Variants in PDK1 observed in about 807,000 individuals in gnomAD.
PDK1 encodes pyruvate dehydrogenase kinase 1, also known as [Pyruvate dehydrogenase (acetyl-transferring)] kinase isozyme 1, mitochondrial.
A neutral mutation model predicts 54.2 loss-of-function variants in PDK1; 39 were observed. That is an observed-to-expected ratio of 0.72 (90% CI 0.56 to 0.94). PDK1 has a LOEUF of 0.94. Ranked by LOEUF, PDK1 falls within the 40% of genes least tolerant of loss-of-function variation. PDK1 has a pLI of 0.00. For missense variants in PDK1, 552 were observed against 566.0 expected (o/e 0.98, Z 0.25); for synonymous variants, 221 against 207.1 (o/e 1.07, Z -0.58).
chr2:172,614,942 C>T, the PDK1 span, among the ~76,000 whole-genome samples: 8 of 152,216 alleles, frequency 5.3e-5, no homozygotes, highest in Admixed American at 2.6e-4. Context: ...TTTGATGCCT[C>T]ATGACATATC....
the PDK1 span, among the ~76,000 whole-genome samples, chr2:172,696,001 C>T: frequency 7.2e-5 from 11 of 151,960 alleles, no homozygotes; most frequent in Admixed American, 2.0e-4. Context: ...GGTGAAACCC[C>T]GTCTCTACTA....
At chr2:172,720,116 C>CTCTTT in the PDK1 span, among the ~76,000 whole-genome samples, 32 of 116,728 alleles carry the variant, frequency 2.7e-4, no homozygotes, top group Admixed American at 5.9e-4. Flanking sequence ...CTCTCTCTCT[C>CTCTTT]TTTTTTTTTT....
At chr2:172,568,327 CAAAAAAA>C (rs11400625) in intron 6 of PDK1, among the ~76,000 whole-genome samples, 10 of 57,110 alleles carry the variant, frequency 1.8e-4, no homozygotes, top group South Asian at 7.1e-4. Context: ...GACTCCGTCT[CAAAAAAA>C]AAAAAAAAAA....
the PDK1 span, among the ~76,000 whole-genome samples, chr2:172,648,417 A>T: frequency 6.6e-6 from 1 of 152,364 alleles, no homozygotes; most frequent in African/African-American, 2.4e-5. Flanking sequence ...TCCAGTCTGC[A>T]GCTTCCAGCG....
chr2:172,667,090 C>T, the PDK1 span, among the ~76,000 whole-genome samples: 48 of 152,096 alleles, frequency 3.2e-4, no homozygotes, highest in Non-Finnish European at 5.6e-4. Context: ...ACATTGTACT[C>T]ATTAGGTAGT....
chr2:172,668,972 T>C, the PDK1 span, among the ~76,000 whole-genome samples: 1 of 149,130 alleles, frequency 6.7e-6, no homozygotes, highest in Non-Finnish European at 1.5e-5. Flanking sequence ...TCATACAATA[T>C]TTGTCTCCCT....
the PDK1 span, among the ~76,000 whole-genome samples, chr2:172,619,507 A>G: frequency 6.6e-6 from 1 of 151,906 alleles, no homozygotes; most frequent in Admixed American, 6.6e-5. Flanking sequence ...TTTTAATCTA[A>G]AAGCATAAGC....
the PDK1 span, among the ~76,000 whole-genome samples, chr2:172,702,604 C>CTTTTTTTTT: frequency 7.2e-6 from 1 of 139,774 alleles, no homozygotes; most frequent in African/African-American, 2.6e-5. Context: ...TCCTAACTGC[C>CTTTTTTTTT]TTTTTTTTTT....
At chr2:172,645,953 A>T in the PDK1 span, among the ~76,000 whole-genome samples, 4 of 152,268 alleles carry the variant, frequency 2.6e-5, no homozygotes, top group African/African-American at 9.6e-5. Context: ...TGATTGAGTC[A>T]GGCTACTGTG....
In PDK1 at chr2:172,573,647, T is replaced by C. The variant is rs374092176; in HGVS notation, c.945+2823T>C. Among the ~76,000 whole-genome samples the C allele has an allele frequency of 8.7e-4, 127 of 146,140 alleles. 3 individuals are homozygous for C. The East Asian group carries it at 0.013, about 15-fold the overall frequency. On this transcript the variant is annotated intron_variant, in intron 8 of 10. Coordinates refer to ENST00000282077, the MANE Select transcript of PDK1 (RefSeq NM_002610.5). ...TATATTCTATGTGTGTGTATATATA[T>C]ATACACTCTCTCTAGATATATATAT...
chr2:172,699,910 C>G, the PDK1 span, among the ~76,000 whole-genome samples: 1 of 151,990 alleles, frequency 6.6e-6, no homozygotes, highest in Non-Finnish European at 1.5e-5. Context: ...TGCCGCCTTC[C>G]GAACTGTTTG....
chr2:172,592,399 C>T (rs1022065494), intron 9 of PDK1, among the ~76,000 whole-genome samples: 10 of 151,982 alleles, frequency 6.6e-5, no homozygotes, highest in South Asian at 4.2e-4. Flanking sequence ...CTCTCTGACT[C>T]CCTCTTTGTC....
the PDK1 span, among the ~76,000 whole-genome samples, chr2:172,623,801 A>G: frequency 1.3e-5 from 2 of 152,230 alleles, no homozygotes; most frequent in Admixed American, 6.5e-5. Flanking sequence ...GACTTACACA[A>G]TGGAAATGTT....
chr2:172,674,083 T>C, the PDK1 span: 2 of 152,242 alleles, frequency 1.3e-5, no homozygotes, highest in South Asian at 4.1e-4. Context: ...TAACAATTTA[T>C]TGTGAGATGA....
At chr2:172,590,589 T>C (rs1690512677) in intron 9 of PDK1, among the ~76,000 whole-genome samples, 1 of 152,120 alleles carries the variant, frequency 6.6e-6, no homozygotes, top group South Asian at 2.1e-4. Flanking sequence ...CAGACCTTCG[T>C]GGTGAGTGTT....
chr2:172,704,212 C>A, the PDK1 span, among the ~76,000 whole-genome samples: 1 of 152,144 alleles, frequency 6.6e-6, no homozygotes, highest in African/African-American at 2.4e-5. Flanking sequence ...GAAGGGGACA[C>A]TCCAACGGCT....
intron 8 of PDK1, among the ~76,000 whole-genome samples, chr2:172,574,026 G>A (rs529862595): frequency 2.6e-5 from 4 of 152,180 alleles, no homozygotes; most frequent in East Asian, 1.9e-4. Context: ...AAGTCTTGAC[G>A]ACTTATGCCT....
chr2:172,575,824 AAAT>A (rs1365105645), intron 8 of PDK1, among the ~76,000 whole-genome samples: 1 of 152,184 alleles, frequency 6.6e-6, no homozygotes, highest in Non-Finnish European at 1.5e-5. Context: ...TCTTTGTCTC[AAAT>A]AATAATAATT....
chr2:172,675,803 A>G, the PDK1 span, among the ~76,000 whole-genome samples: 249 of 152,352 alleles, frequency 1.6e-3, 3 homozygotes, highest in African/African-American at 5.7e-3. Context: ...ACAGCCTTCT[A>G]TTGGAAGAAG....
Sources: gnomAD v4.1 joint callset for allele counts (sites outside exome capture counted in the v4.1 genomes callset) on GRCh38, gnomAD v4.1.1 for gene constraint, MANE v1.5 for transcripts, NCBI Gene and HGNC (gene_info 2026-07-23, HGNC 2026-07-21) for gene names.